PRR16: variants seen among roughly 807,000 people sequenced by gnomAD.
PRR16 encodes the protein protein Largen.
PRR16 carries 6 observed loss-of-function variants against 18.2 expected under a neutral mutation model. The observed-to-expected ratio is 0.33, with a 90% CI of 0.18 to 0.65. The LOEUF (loss-of-function observed/expected upper bound fraction) is 0.65. PRR16 is among the 30% of genes least tolerant of loss of function. The probability of loss-of-function intolerance (pLI) is 0.74; values close to 1 mark genes in which losing one functional copy is unlikely to be tolerated. For missense variants in PRR16, 412 were observed against 376.6 expected, an observed-to-expected ratio of 1.09 and a Z score of -0.78; for synonymous variants, 151 against 147.8, an observed-to-expected ratio of 1.02 and a Z score of -0.16.
chr5:120,763,995 C>G, the PRR16 span, among the ~76,000 whole-genome samples: 4 of 152,040 alleles, frequency 2.6e-5, no homozygotes. Context: ...AGAGGATCCT[C>G]TAAATGTAAA....
chr5:120,719,566 A>G, the PRR16 span, among the ~76,000 whole-genome samples: 996 of 152,192 alleles, frequency 6.5e-3, 8 homozygotes, highest in Non-Finnish European at 0.011. Context: ...TATGCTCATT[A>G]AATCCATTTT....
the PRR16 span, among the ~76,000 whole-genome samples, chr5:120,740,463 CATTTT>C: frequency 4.2e-3 from 638 of 152,208 alleles, 7 homozygotes; most frequent in African/African-American, 0.015. Context: ...CTCTTTTAAA[CATTTT>C]ATTTGAAAAT....
At chr5:120,650,024 C>A (rs1376524318) in intron 1 of PRR16, among the ~76,000 whole-genome samples, 1 of 151,792 alleles carries the variant, frequency 6.6e-6, no homozygotes, top group Non-Finnish European at 1.5e-5. Flanking sequence ...TTGAGACCAT[C>A]CTGGCCAACA....
chr5:120,766,998 T>C, the PRR16 span, among the ~76,000 whole-genome samples: 1 of 151,928 alleles, frequency 6.6e-6, no homozygotes, highest in Non-Finnish European at 1.5e-5. Flanking sequence ...AGAGAAAATG[T>C]TTTAAAATCT....
At chr5:120,705,607 C>A in the PRR16 span, among the ~76,000 whole-genome samples, 1 of 151,848 alleles carries the variant, frequency 6.6e-6, no homozygotes, top group Non-Finnish European at 1.5e-5. Flanking sequence ...AATTTTTATT[C>A]TTGTGTTTTT....
rs565820130 is a variant in PRR16 at position 120,648,088 on chromosome 5, T to G, written c.160-37866T>G. On this transcript the variant is annotated intron_variant, in intron 1 of 1. Transcript: ENST00000407149. ...TAAGTATATTTAGCTTCCTTGTATA[T>G]AGAACTTCTCTGAGTATTAATATGC... Among the ~76,000 whole-genome samples, 9 of 152,242 alleles carry G rather than the reference T, an allele frequency of 5.9e-5. 1 individual carries two copies. The highest frequency in any genetic ancestry group is 5.2e-4 in the Admixed American group (8 of 15,268).
intron 1 of PRR16, among the ~76,000 whole-genome samples, chr5:120,509,379 G>C (rs78196384): frequency 6.6e-6 from 1 of 152,162 alleles, no homozygotes; most frequent in East Asian, 1.9e-4. Flanking sequence ...GAGGCCACCA[G>C]AAAAAGGATG....
the PRR16 span, among the ~76,000 whole-genome samples, chr5:120,785,575 G>GTTGTTT: frequency 1.9e-4 from 22 of 115,352 alleles, no homozygotes; most frequent in African/African-American, 4.4e-4. Flanking sequence ...TGTTGTTGTT[G>GTTGTTT]TTTTTTTTTT....
chr5:120,761,859 C>T, the PRR16 span, among the ~76,000 whole-genome samples: 1 of 152,090 alleles, frequency 6.6e-6, no homozygotes, highest in Non-Finnish European at 1.5e-5. Context: ...AACCTCTCTT[C>T]ATTTACCTCC....
At chr5:120,592,041 A>G (rs1240716537) in intron 1 of PRR16, among the ~76,000 whole-genome samples, 1 of 151,588 alleles carries the variant, frequency 6.6e-6, no homozygotes, top group East Asian at 1.9e-4. Context: ...TTGAATCTTT[A>G]TGTAGCATTT....
chr5:120,723,226 A>G, the PRR16 span, among the ~76,000 whole-genome samples: 1 of 151,932 alleles, frequency 6.6e-6, no homozygotes, highest in Non-Finnish European at 1.5e-5. Flanking sequence ...CACAGGACTA[A>G]GAAGAATTGA....
chr5:120,764,736 A>G, the PRR16 span, among the ~76,000 whole-genome samples: 2 of 152,136 alleles, frequency 1.3e-5, no homozygotes, highest in South Asian at 2.1e-4. Context: ...TAAGCACCTT[A>G]TTACTTGTAG....
chr5:120,718,801 C>A, the PRR16 span, among the ~76,000 whole-genome samples: 1 of 152,046 alleles, frequency 6.6e-6, no homozygotes. Flanking sequence ...ATTACCTCAA[C>A]AATTAAACTA....
the PRR16 span, among the ~76,000 whole-genome samples, chr5:120,749,891 C>G: frequency 6.6e-6 from 1 of 152,038 alleles, no homozygotes; most frequent in African/African-American, 2.4e-5. Flanking sequence ...TCAAATCAAA[C>G]TTTCTTCTGT....
intron 1 of PRR16, among the ~76,000 whole-genome samples, chr5:120,657,402 T>A (rs1756019258): frequency 6.6e-6 from 1 of 151,930 alleles, no homozygotes; most frequent in African/African-American, 2.4e-5. Context: ...CACATTCTCC[T>A]AGTTCCATGT....
At chr5:120,770,125 C>G in the PRR16 span, among the ~76,000 whole-genome samples, 1 of 151,516 alleles carries the variant, frequency 6.6e-6, no homozygotes, top group African/African-American at 2.4e-5. Flanking sequence ...CAGAAAAGAC[C>G]CAAAATAGCC....
At chr5:120,514,337 A>C (rs867505588) in intron 1 of PRR16, among the ~76,000 whole-genome samples, 8 of 152,214 alleles carry the variant, frequency 5.3e-5, no homozygotes, top group Middle Eastern at 6.8e-3. Context: ...CCTACCATCC[A>C]TATTAATCTC....
At chr5:120,741,879 G>A in the PRR16 span, among the ~76,000 whole-genome samples, 6 of 152,172 alleles carry the variant, frequency 3.9e-5, no homozygotes, top group Admixed American at 2.6e-4. Context: ...GGGATTGCAG[G>A]CATGAGCCAC....
At chr5:120,474,095 G>A (rs914954366) in intron 1 of PRR16, among the ~76,000 whole-genome samples, 3 of 152,094 alleles carry the variant, frequency 2.0e-5, no homozygotes, top group Non-Finnish European at 2.9e-5. Flanking sequence ...GGACGAGCAG[G>A]GCAAGAGTAG....
Sources: allele counts gnomAD v4.1 joint callset (sites outside exome capture counted in the v4.1 genomes callset), GRCh38; gene constraint gnomAD v4.1.1; transcripts MANE v1.5; gene names NCBI Gene and HGNC (gene_info 2026-07-23, HGNC 2026-07-21).